The following ARHGEF3 variants were observed in gnomAD, a reference collection of about 807,000 sequenced individuals.
ARHGEF3 encodes 59.8 kDA protein.
ARHGEF3 carries 28 observed loss-of-function variants against 63.2 expected under a neutral mutation model. The ratio of observed to expected loss-of-function variants is 0.44; its 90% CI spans 0.33 to 0.61. The LOEUF is 0.61. Ranked by LOEUF, ARHGEF3 falls within the 20% of genes least tolerant of loss-of-function variation. ARHGEF3 has a pLI of 0.03. For missense variants in ARHGEF3, 533 were observed against 659.3 expected (o/e 0.81, Z 2.10); for synonymous variants, 266 against 254.2 (o/e 1.05, Z -0.44).
At chr3:56,835,319 G>A (rs920937340) in intron 4 of ARHGEF3, among the ~76,000 whole-genome samples, 4 of 152,004 alleles carry the variant, frequency 2.6e-5, no homozygotes. Flanking sequence ...GGGATTACAG[G>A]CACGTACCAC....
chr3:57,045,328 T>C (rs1010464295), intron 1 of ARHGEF3, among the ~76,000 whole-genome samples: 7 of 152,186 alleles, frequency 4.6e-5, no homozygotes, highest in Non-Finnish European at 8.8e-5. Context: ...GTCTCTTCAG[T>C]AATGCCTTTC....
chr3:56,808,427 G>GA (rs571220750), intron 4 of ARHGEF3, among the ~76,000 whole-genome samples: 29 of 152,098 alleles, frequency 1.9e-4, no homozygotes, highest in African/African-American at 7.0e-4. Flanking sequence ...TACAAAAAAA[G>GA]AAATATCCGA....
chr3:56,756,801 G>A (rs916536115), intron 2 of ARHGEF3, among the ~76,000 whole-genome samples: 2 of 152,012 alleles, frequency 1.3e-5, no homozygotes, highest in African/African-American at 4.8e-5. Flanking sequence ...CGCCCGCCTC[G>A]GCCTCCCGAA....
chr3:56,791,979 G>C (rs948166703), intron 1 of ARHGEF3, among the ~76,000 whole-genome samples: 1 of 151,778 alleles, frequency 6.6e-6, no homozygotes, highest in Non-Finnish European at 1.5e-5. Flanking sequence ...GGTGGCTCAC[G>C]CCTGTAATCC....
At chr3:56,794,898 C>T (rs2037271352) in intron 1 of ARHGEF3, among the ~76,000 whole-genome samples, 2 of 151,992 alleles carry the variant, frequency 1.3e-5, no homozygotes, top group African/African-American at 4.8e-5. Flanking sequence ...CCCTATTTCA[C>T]CCAGGCTAGG....
intron 4 of ARHGEF3, among the ~76,000 whole-genome samples, chr3:56,845,413 C>A (rs1352918980): frequency 6.6e-6 from 1 of 152,200 alleles, no homozygotes; most frequent in Non-Finnish European, 1.5e-5. Flanking sequence ...AAATCATATA[C>A]AGCCTGGTCT....
At chr3:56,778,309 T>G (rs2036380065) in intron 1 of ARHGEF3, among the ~76,000 whole-genome samples, 1 of 152,178 alleles carries the variant, frequency 6.6e-6, no homozygotes, top group African/African-American at 2.4e-5. Flanking sequence ...TTAAAGCCAT[T>G]CAGCTAAAAC....
intron 4 of ARHGEF3, among the ~76,000 whole-genome samples, chr3:56,850,787 A>T (rs1009959869): frequency 2.0e-5 from 3 of 152,212 alleles, no homozygotes; most frequent in Non-Finnish European, 4.4e-5. Context: ...TTCAATTTTT[A>T]TCATCAGTCA....
chr3:56,856,395 ATGTCATCAAGTCTAAT>A (rs1319757239), intron 4 of ARHGEF3, among the ~76,000 whole-genome samples: 1 of 152,184 alleles, frequency 6.6e-6, no homozygotes, highest in Non-Finnish European at 1.5e-5. Flanking sequence ...AAGGATTCTT[ATGTCATCAAGTCTAAT>A]ACTGCAATTT....
At chr3:57,072,229 G>A (rs573791748) in intron 1 of ARHGEF3, among the ~76,000 whole-genome samples, 1 of 152,244 alleles carries the variant, frequency 6.6e-6, no homozygotes, top group Non-Finnish European at 1.5e-5. Flanking sequence ...AAAATGTTAA[G>A]AGTTACCATA....
chr3:56,825,341 A>G (rs1176012997), intron 4 of ARHGEF3, among the ~76,000 whole-genome samples: 2 of 152,354 alleles, frequency 1.3e-5, no homozygotes, highest in South Asian at 2.1e-4. Context: ...AATGAGTTCT[A>G]AAATGACGTT....
chr3:56,800,344 T>C (rs960082567), intron 1 of ARHGEF3, among the ~76,000 whole-genome samples: 2 of 152,212 alleles, frequency 1.3e-5, no homozygotes, highest in African/African-American at 4.8e-5. Context: ...ATTATATCCA[T>C]TCCAGGCCTG....
At position 56,828,714 on chromosome 3, in the gene ARHGEF3, G is replaced by A. The variant is rs1209390400; in HGVS notation, c.192+53578C>T. Among the ~76,000 whole-genome samples the A allele has an allele frequency of 2.6e-5, 4 of 152,116 alleles. No homozygotes were observed. In the South Asian group the frequency reaches 8.3e-4, roughly 32 times the overall value. On this transcript the variant is annotated intron_variant, in intron 4 of 12. Coordinates refer to the ARHGEF3 transcript ENST00000338458. ...CCCTCAGGCGTAAGAACTGACTCTG[G>A]TCCAGCAGTAAAACCTGCCATCTGT... is the stretch of plus-strand genomic sequence containing the variant.
intron 4 of ARHGEF3, among the ~76,000 whole-genome samples, chr3:56,872,949 G>A (rs1349365709): frequency 6.6e-6 from 1 of 152,026 alleles, no homozygotes; most frequent in Non-Finnish European, 1.5e-5. Context: ...TTGTGCTCAC[G>A]ATAGGCCAGG....
intron 4 of ARHGEF3, among the ~76,000 whole-genome samples, chr3:56,874,447 G>A (rs1348136568): frequency 1.3e-5 from 2 of 151,986 alleles, no homozygotes; most frequent in Non-Finnish European, 2.9e-5. Flanking sequence ...CCACAGAAAT[G>A]GTATCTTTTT....
rs775943437 is a variant in ARHGEF3 at position 56,729,364 on chromosome 3, C to T, written c.1487G>A (p.Ser496Asn). The T allele has an allele frequency of 1.9e-6, 3 of 1,614,140 alleles. No individual in the cohort carries two copies. Among genetic ancestry groups the T allele is most frequent in the African/African-American group, 2.7e-5 (2 of 75,016 alleles). The change falls in exon 10 of 10, where the codon AGT becomes AAT. Residue 496 changes from serine to asparagine, a missense_variant. Transcript: ENST00000296315. ...GAGGCTGACCTCACTCGTGTCCATA[C>T]TACAGTCTGACTCACTGTCCGATTG... ...MDQSDSESDC[S>N]MDTSEVSLDC...
rs1268287014 is a variant in ARHGEF3 at position 56,900,696 on chromosome 3, G to A, written c.130-18342C>T. Among the ~76,000 whole-genome samples the A allele has an allele frequency of 2.0e-5, 3 of 152,204 alleles. No individual in the cohort carries two copies. In the South Asian group the frequency reaches 6.2e-4, roughly 32 times the overall value. On this transcript the variant is annotated intron_variant, in intron 3 of 12. Coordinates refer to the ARHGEF3 transcript ENST00000338458. ...TACTTCCATTTATACATTTTCTCCA[G>A]CTTTGTTACAATGTAGACAATTTAT...
chr3:56,994,884 C>T (rs906835457), intron 2 of ARHGEF3, among the ~76,000 whole-genome samples: 1 of 151,998 alleles, frequency 6.6e-6, no homozygotes, highest in African/African-American at 2.4e-5. Flanking sequence ...TGGTGGATTT[C>T]CCCCTTGCTG....
chr3:56,785,879 C>G (rs2036779721), intron 1 of ARHGEF3, among the ~76,000 whole-genome samples: 1 of 152,318 alleles, frequency 6.6e-6, no homozygotes, highest in South Asian at 2.1e-4. Flanking sequence ...GGCACTGGGT[C>G]TGCAGAAGAA....
Sources: gnomAD v4.1 joint callset for allele counts (sites outside exome capture counted in the v4.1 genomes callset) on GRCh38, gnomAD v4.1.1 for gene constraint, MANE v1.5 for transcripts, NCBI Gene and HGNC (gene_info 2026-07-23, HGNC 2026-07-21) for gene names.